The following SNTG1 variants were observed in gnomAD, a reference collection of about 807,000 sequenced individuals.
The protein encoded by SNTG1 is syntrophin gamma 1, also known as gamma-1-syntrophin.
SNTG1 carries 39 observed loss-of-function variants against 74.7 expected under a neutral mutation model. The observed-to-expected ratio is 0.52, with a 90% CI of 0.40 to 0.68. The LOEUF is 0.68. Ranked by LOEUF, SNTG1 falls within the 30% of genes least tolerant of loss-of-function variation. The pLI is 0.00. For synonymous variants in SNTG1, 254 were observed against 217.1 expected (o/e 1.17, Z -1.49); for missense variants, 685 against 609.5 (o/e 1.12, Z -1.30).
chr8:50,694,421 G>A (rs2095395777), intron 15 of SNTG1, among the ~76,000 whole-genome samples: 2 of 152,092 alleles, frequency 1.3e-5, no homozygotes, highest in Admixed American at 6.5e-5. Flanking sequence ...ACAATAATGA[G>A]TGAGGAGACT....
chr8:50,614,377 G>T (rs949689346), intron 13 of SNTG1, among the ~76,000 whole-genome samples: 11 of 151,998 alleles, frequency 7.2e-5, no homozygotes, highest in African/African-American at 2.7e-4. Context: ...CCTACAGAAG[G>T]AGAATTATAC....
chr8:50,107,689 T>C (rs2080429839), intron 1 of SNTG1, among the ~76,000 whole-genome samples: 1 of 152,048 alleles, frequency 6.6e-6, no homozygotes, highest in South Asian at 2.1e-4. Context: ...TAGCTGGGAT[T>C]ACAGGCACCT....
At chr8:50,704,377 C>A (rs992112254) in intron 15 of SNTG1, among the ~76,000 whole-genome samples, 2 of 152,090 alleles carry the variant, frequency 1.3e-5, no homozygotes, top group South Asian at 4.1e-4. Flanking sequence ...AGCCAGAAAC[C>A]CTAACTTCTA....
chr8:49,921,023 T>A (rs1806491774), intron 1 of SNTG1, among the ~76,000 whole-genome samples: 1 of 152,042 alleles, frequency 6.6e-6, no homozygotes, highest in Non-Finnish European at 1.5e-5. Flanking sequence ...AAATGGATAA[T>A]GAGAGGACAT....
rs577773945 is a variant in SNTG1, at chr8:49,956,791, TG to T, written c.-103+44563del. ...AAAGTAGGAAAACAAAGAAAAAAAATGGGACTTTAAGAACCATGGTAAATAA... is the reference window on the plus strand; with the variant it reads ...AAAGTAGGAAAACAAAGAAAAAAAATGGACTTTAAGAACCATGGTAAATAA... On this transcript the variant is annotated intron_variant, in intron 1 of 18. Transcript: ENST00000642720. 6.0e-3 allele frequency among the ~76,000 whole-genome samples: 918 copies of T among 152,086 alleles called. 14 individuals carry two copies. The highest frequency in any genetic ancestry group is 0.02 in the Middle Eastern group (6 of 294).
chr8:50,199,880 A>G (rs1470011527), intron 2 of SNTG1, among the ~76,000 whole-genome samples: 2 of 152,164 alleles, frequency 1.3e-5, no homozygotes, highest in Non-Finnish European at 2.9e-5. Context: ...AGTGAATGAC[A>G]TGGATAAAGA....
intron 13 of SNTG1, among the ~76,000 whole-genome samples, chr8:50,645,237 GCTCCT>G (rs1177968363): frequency 9.2e-6 from 1 of 109,212 alleles, no homozygotes; most frequent in East Asian, 2.7e-4. Context: ...TTAATTCTTT[GCTCCT>G]CTCTTCAATT....
chr8:49,922,697 A>G (rs895854315), intron 1 of SNTG1, among the ~76,000 whole-genome samples: 1 of 152,154 alleles, frequency 6.6e-6, no homozygotes, highest in Non-Finnish European at 1.5e-5. Flanking sequence ...AGGCAAGTTA[A>G]CAACCCATGG....
At chr8:50,439,048 T>C (rs1419641071) in intron 5 of SNTG1, among the ~76,000 whole-genome samples, 1 of 152,176 alleles carries the variant, frequency 6.6e-6, no homozygotes. Context: ...TTTAATTGTA[T>C]AGTGCTAATC....
At chr8:50,693,043 C>T (rs570243374) in intron 15 of SNTG1, among the ~76,000 whole-genome samples, 24 of 152,290 alleles carry the variant, frequency 1.6e-4, no homozygotes, top group African/African-American at 5.8e-4. Context: ...GGCATAGGAC[C>T]CTCTGAGCCA....
chr8:50,204,931 G>C (rs7001975), intron 2 of SNTG1, among the ~76,000 whole-genome samples: 1 of 152,064 alleles, frequency 6.6e-6, no homozygotes, highest in African/African-American at 2.4e-5. Context: ...AGTATTCCAT[G>C]GTATATATGT....
intron 11 of SNTG1, among the ~76,000 whole-genome samples, chr8:50,540,983 G>T (rs1236744779): frequency 6.6e-6 from 1 of 151,454 alleles, no homozygotes; most frequent in Non-Finnish European, 1.5e-5. Flanking sequence ...AACAAACTTG[G>T]TCATTAATTC....
intron 13 of SNTG1, chr8:50,643,961 A>C (rs969817788): frequency 1.3e-5 from 2 of 152,228 alleles, no homozygotes; most frequent in Non-Finnish European, 2.9e-5. Flanking sequence ...TGAATGGGGA[A>C]CCATGGAAGG....
intron 1 of SNTG1, among the ~76,000 whole-genome samples, chr8:50,043,566 C>G (rs1478276507): frequency 6.6e-6 from 1 of 152,176 alleles, no homozygotes; most frequent in Non-Finnish European, 1.5e-5. Context: ...AGTTCCTTCA[C>G]ACTCCTGGCC....
intron 13 of SNTG1, among the ~76,000 whole-genome samples, chr8:50,630,633 A>G (rs535188857): frequency 6.6e-6 from 1 of 152,330 alleles, no homozygotes; most frequent in Non-Finnish European, 1.5e-5. Flanking sequence ...TTATACAACC[A>G]TATCTACAGC....
chr8:50,560,639 CT>C (rs2094482053), intron 12 of SNTG1, among the ~76,000 whole-genome samples: 1 of 152,106 alleles, frequency 6.6e-6, no homozygotes, highest in African/African-American at 2.4e-5. Flanking sequence ...GACGCCACGT[CT>C]TCTTACTTAT....
rs563017061 is a variant in SNTG1, at chr8:50,635,571, C to T, written c.850-21338C>T. Among the ~76,000 whole-genome samples, 18 of 152,338 alleles carry T rather than the reference C, an allele frequency of 1.2e-4. No individual in the cohort carries two copies. The East Asian group carries it at 3.3e-3, about 28-fold the overall frequency. On this transcript the variant is annotated intron_variant, in intron 13 of 18. Coordinates refer to ENST00000642720, the MANE Select transcript of SNTG1 (RefSeq NM_018967.5). The stretch of plus-strand genomic sequence containing the variant: ...AAGAGTCTCTCCCCATGGTCACCAT[C>T]ACCAGAGGCCCACAGGGAGTGCTTC...
intron 18 of SNTG1, among the ~76,000 whole-genome samples, chr8:50,753,270 T>G (rs942607437): frequency 2.6e-5 from 4 of 152,010 alleles, no homozygotes; most frequent in Admixed American, 2.6e-4. Context: ...AATCATTTAC[T>G]TTGTGCCAAC....
intron 2 of SNTG1, among the ~76,000 whole-genome samples, chr8:50,184,795 A>G (rs2083323555): frequency 6.6e-6 from 1 of 152,122 alleles, no homozygotes; most frequent in African/African-American, 2.4e-5. Flanking sequence ...AAACATAAGG[A>G]TTGGTATATT....
Sources: gnomAD v4.1 joint callset for allele counts (sites outside exome capture counted in the v4.1 genomes callset) on GRCh38, gnomAD v4.1.1 for gene constraint, MANE v1.5 for transcripts, NCBI Gene and HGNC (gene_info 2026-07-23, HGNC 2026-07-21) for gene names.